The following UGGT2 variants were observed in gnomAD, a reference collection of about 807,000 sequenced individuals.
UGGT2 encodes UDP-glucose:glycoprotein glucosyltransferase 2.
In UGGT2, 180 loss-of-function variants were observed where a neutral mutation model predicts 192.1. That is an observed-to-expected ratio of 0.94 (90% CI 0.83 to 1.06). The LOEUF (loss-of-function observed/expected upper bound fraction) is 1.06. UGGT2 is among the 50% of genes least tolerant of loss of function. UGGT2 has a pLI of 0.00. For synonymous variants in UGGT2, 580 were observed against 591.0 expected (o/e 0.98, Z 0.27); for missense variants, 1,849 against 1,795.7 (o/e 1.03, Z -0.54).
At chr13:96,041,225 T>C (rs954676297) in intron 1 of UGGT2, among the ~76,000 whole-genome samples, 1 of 152,146 alleles carries the variant, frequency 6.6e-6, no homozygotes, top group Non-Finnish European at 1.5e-5. Context: ...AAACACACTC[T>C]CACTGGGGAA....
At chr13:95,894,478 A>T in intron 24 of UGGT2, 84 bp downstream of exon 24, 2 of 1,132,136 alleles carry the variant, frequency 1.8e-6, no homozygotes, top group Non-Finnish European at 2.6e-6. Context: ...ATTCTACCTT[A>T]AATTTTACCA....
intron 24 of UGGT2, 65 bp from the exon 25 acceptor site, chr13:95,891,029 C>A: frequency 8.7e-7 from 1 of 1,150,166 alleles, no homozygotes; most frequent in East Asian, 2.5e-5. Context: ...TAATCATGAT[C>A]TTAGCTATAT....
chr13:96,045,873 G>A (rs1236177525), intron 1 of UGGT2, among the ~76,000 whole-genome samples: 1 of 152,104 alleles, frequency 6.6e-6, no homozygotes, highest in Non-Finnish European at 1.5e-5. Context: ...CACGCTCATG[G>A]ATGGGTAGAA....
chr13:95,826,686 G>A (rs76025114), intron 38 of UGGT2, among the ~76,000 whole-genome samples: 243 of 151,900 alleles, frequency 1.6e-3, no homozygotes, highest in African/African-American at 5.4e-3. Context: ...GATTCTTGAG[G>A]AAAACTGGAC....
chr13:96,025,943 G>C (rs1382849926), intron 2 of UGGT2, among the ~76,000 whole-genome samples: 1 of 152,018 alleles, frequency 6.6e-6, no homozygotes, highest in Non-Finnish European at 1.5e-5. Flanking sequence ...AAAAAGGAGA[G>C]AAGGGAAAAA....
chr13:95,950,557 ATGC>A, intron 12 of UGGT2, among the ~76,000 whole-genome samples: 1 of 148,164 alleles, frequency 6.7e-6, no homozygotes. Context: ...AAAAAAAGTC[ATGC>A]AAAGAGAAAA....
At chr13:95,979,007 A>G (rs2051030387) in intron 10 of UGGT2, among the ~76,000 whole-genome samples, 1 of 152,204 alleles carries the variant, frequency 6.6e-6, no homozygotes, top group Admixed American at 6.5e-5. Flanking sequence ...AAGTATCTGC[A>G]TTTGGTTCAT....
At chr13:96,045,111 C>T (rs545338118) in intron 1 of UGGT2, among the ~76,000 whole-genome samples, 4 of 152,026 alleles carry the variant, frequency 2.6e-5, no homozygotes, top group Non-Finnish European at 5.9e-5. Flanking sequence ...ACTAGCTAAC[C>T]GAATCCAACA....
intron 12 of UGGT2, among the ~76,000 whole-genome samples, chr13:95,961,036 G>A (rs908232830): frequency 2.0e-5 from 3 of 152,094 alleles, no homozygotes; most frequent in Admixed American, 6.6e-5. Context: ...AATGCTTAAG[G>A]GAGTCCTATA....
intron 13 of UGGT2, 146 bp from the exon 14 acceptor site, chr13:95,948,227 A>ACACACC (rs2049942890): frequency 2.3e-6 from 1 of 442,392 alleles, no homozygotes; most frequent in Non-Finnish European, 4.2e-6. Context: ...ATACACACAC[A>ACACACC]CACACACACA....
chr13:95,840,255 G>A lies in UGGT2; in HGVS notation c.4285-3053C>T, dbSNP rs576600199. 3.9e-5 allele frequency among the ~76,000 whole-genome samples: 6 copies of A among 152,164 alleles called. No homozygotes were observed. In the East Asian group the frequency reaches 1.2e-3, roughly 29 times the overall value. On this transcript the variant is annotated intron_variant, in intron 36 of 38. Coordinates refer to ENST00000376747, the MANE Select transcript of UGGT2 (RefSeq NM_020121.4). ...AAATAAACTATCATCAGAGTGAACA[G>A]GCAACCTACAGAATGGGAGAAAATT...
intron 20 of UGGT2, among the ~76,000 whole-genome samples, chr13:95,903,718 T>C (rs2048182015): frequency 6.6e-6 from 1 of 152,198 alleles, no homozygotes; most frequent in Non-Finnish European, 1.5e-5. Context: ...TATTCTACTG[T>C]TGCTGGACAT....
intron 2 of UGGT2, among the ~76,000 whole-genome samples, chr13:96,030,240 G>A (rs1250799356): frequency 6.6e-6 from 1 of 152,118 alleles, no homozygotes; most frequent in Non-Finnish European, 1.5e-5. Flanking sequence ...CTGACTAGGT[G>A]CCTCTTTTAT....
chr13:95,896,900 C>T (rs1398880165), intron 22 of UGGT2, among the ~76,000 whole-genome samples: 1 of 152,002 alleles, frequency 6.6e-6, no homozygotes, highest in Admixed American at 6.6e-5. Context: ...AACAGAAATG[C>T]ATTACTTCAT....
intron 31 of UGGT2, 41 bp downstream of exon 31, chr13:95,863,588 G>A (rs779644601): frequency 4.0e-5 from 60 of 1,497,032 alleles, no homozygotes; most frequent in Middle Eastern, 2.2e-4. Context: ...TAGACTTCTG[G>A]ATCAATCTAG....
At chr13:95,865,366 C>T (rs1220579827) in intron 30 of UGGT2, among the ~76,000 whole-genome samples, 1 of 152,082 alleles carries the variant, frequency 6.6e-6, no homozygotes, top group Non-Finnish European at 1.5e-5. Flanking sequence ...TGAAGGCGGC[C>T]GAGCATGGTG....
intron 20 of UGGT2, among the ~76,000 whole-genome samples, chr13:95,909,424 A>G (rs2048402572): frequency 6.6e-6 from 1 of 151,682 alleles, no homozygotes; most frequent in African/African-American, 2.4e-5. Context: ...ATGCAGCCAT[A>G]AAAAATGATG....
intron 8 of UGGT2, chr13:95,989,704 G>A (rs182513870): frequency 4.1e-4 from 107 of 258,864 alleles, no homozygotes; most frequent in Non-Finnish European, 6.8e-4. Flanking sequence ...TTTAATACTT[G>A]AGACTAACCT....
At chr13:95,841,679 T>C (rs555943048) in intron 36 of UGGT2, among the ~76,000 whole-genome samples, 34 of 152,370 alleles carry the variant, frequency 2.2e-4, no homozygotes, top group African/African-American at 7.5e-4. Context: ...CTTTAAAGCA[T>C]ACAAGTCTTT....
Sources: allele counts gnomAD v4.1 joint callset (sites outside exome capture counted in the v4.1 genomes callset), GRCh38; gene constraint gnomAD v4.1.1; transcripts MANE v1.5; gene names NCBI Gene and HGNC (gene_info 2026-07-23, HGNC 2026-07-21).